The following LPAR3 variants were observed in gnomAD, a reference collection of about 807,000 sequenced individuals.
LPAR3 encodes the protein lysophosphatidic acid receptor 3, also known as LPA receptor 3.
LPAR3 carries 7 observed loss-of-function variants against 17.8 expected under a neutral mutation model. The ratio of observed to expected loss-of-function variants is 0.39; its 90% CI spans 0.22 to 0.74. The LOEUF is 0.74. Ranked by LOEUF, LPAR3 falls within the 30% of genes least tolerant of loss-of-function variation. The probability of loss-of-function intolerance (pLI) is 0.40; values close to 1 mark genes in which losing one functional copy is unlikely to be tolerated. For missense variants in LPAR3, 391 were observed against 453.4 expected (o/e 0.86, Z 1.25); for synonymous variants, 179 against 179.9 (o/e 0.99, Z 0.04).
chr1:84,890,119 C>T (rs1255506393), intron 1 of LPAR3, among the ~76,000 whole-genome samples: 1 of 152,154 alleles, frequency 6.6e-6, no homozygotes, highest in African/African-American at 2.4e-5. Flanking sequence ...CACAGCAGGA[C>T]TGAGTTCCAG....
In LPAR3 at chr1:84,814,047, G is replaced by A. The variant is rs61746765; in HGVS notation, c.861C>T (p.Val287=). Residue 287 remains valine (V), a synonymous_variant, in exon 3 of 3, where the codon GTC becomes GTT. Coordinates refer to ENST00000370611, the MANE Select transcript of LPAR3 (RefSeq NM_012152.3). Reference sequence around the variant, plus strand: ...TGTAGGAGTAGATGATGGGGTTCACGACGGAGTTGAGCAGCGCCAGCAGCA... The same window carrying A: ...TGTAGGAGTAGATGATGGGGTTCACAACGGAGTTGAGCAGCGCCAGCAGCA... ...WFLLLALLNS[V]VNPIIYSYKD... The A allele has an allele frequency of 7.0e-4, 1,128 of 1,614,084 alleles. 3 individuals carry two copies. The highest frequency in any genetic ancestry group is 6.3e-3 in the Middle Eastern group (38 of 6,062).
chr1:84,885,095 G>C (rs1660433158), intron 1 of LPAR3, among the ~76,000 whole-genome samples: 1 of 152,162 alleles, frequency 6.6e-6, no homozygotes, highest in Non-Finnish European at 1.5e-5. Flanking sequence ...GCAATATCTG[G>C]AGACATCTGC....
chr1:84,853,370 T>C (rs77881471), intron 2 of LPAR3, among the ~76,000 whole-genome samples: 8,637 of 152,228 alleles, frequency 0.057, 306 homozygotes, highest in African/African-American at 0.092. Context: ...AGGGAGTTCA[T>C]GCCAGATGAA....
At chr1:84,817,261 T>TCACACACACACACACACACA (rs71097861) in intron 2 of LPAR3, among the ~76,000 whole-genome samples, 82 of 147,524 alleles carry the variant, frequency 5.6e-4, no homozygotes, top group Admixed American at 1.9e-3. Flanking sequence ...CCAGGATCTA[T>TCACACACACACACACACACA]CACACACACA....
At chr1:84,853,206 G>A (rs967958677) in intron 2 of LPAR3, among the ~76,000 whole-genome samples, 5 of 151,940 alleles carry the variant, frequency 3.3e-5, no homozygotes, top group Admixed American at 1.3e-4. Context: ...TTACATTTTT[G>A]AACGATCAAG....
intron 2 of LPAR3, among the ~76,000 whole-genome samples, chr1:84,821,781 AATGTGAGACC>A (rs1659060265): frequency 6.6e-6 from 1 of 152,202 alleles, no homozygotes; most frequent in African/African-American, 2.4e-5. Flanking sequence ...GGGGGAAGGA[AATGTGAGACC>A]TGATGAATAT....
intron 1 of LPAR3, among the ~76,000 whole-genome samples, chr1:84,887,029 T>C (rs7552114): frequency 6.6e-6 from 1 of 151,846 alleles, no homozygotes; most frequent in African/African-American, 2.4e-5. Flanking sequence ...CTTATAGTAG[T>C]ATGCCAACTA....
At chr1:84,878,497 A>G (rs1477591759) in intron 1 of LPAR3, among the ~76,000 whole-genome samples, 1 of 152,156 alleles carries the variant, frequency 6.6e-6, no homozygotes, top group Non-Finnish European at 1.5e-5. Flanking sequence ...TAATTACCAC[A>G]AGCCCCGACA....
chr1:84,874,934 C>G (rs551815146), intron 1 of LPAR3, among the ~76,000 whole-genome samples: 28 of 144,408 alleles, frequency 1.9e-4, no homozygotes, highest in African/African-American at 7.2e-4. Context: ...GAGTCTAGCT[C>G]TGTCACCCAG....
At chr1:84,829,615 T>A (rs1039290646) in intron 2 of LPAR3, among the ~76,000 whole-genome samples, 1 of 151,642 alleles carries the variant, frequency 6.6e-6, no homozygotes, top group African/African-American at 2.4e-5. Context: ...TTACAAAAGA[T>A]CACGTCAGTC....
intron 2 of LPAR3, among the ~76,000 whole-genome samples, chr1:84,831,300 A>G (rs1659278651): frequency 6.6e-6 from 1 of 152,074 alleles, no homozygotes; most frequent in Non-Finnish European, 1.5e-5. Context: ...TCCGTATTTG[A>G]AAATAAGCTG....
At chr1:84,892,118 CA>C (rs1250350287) in intron 1 of LPAR3, among the ~76,000 whole-genome samples, 3 of 151,868 alleles carry the variant, frequency 2.0e-5, no homozygotes, top group Non-Finnish European at 4.4e-5. Flanking sequence ...GAGGCTGAGG[CA>C]GGAGAATCGC....
intron 2 of LPAR3, among the ~76,000 whole-genome samples, chr1:84,857,813 T>C (rs144098367): frequency 2.6e-5 from 4 of 152,190 alleles, no homozygotes; most frequent in Non-Finnish European, 5.9e-5. Context: ...GAGCAAGACA[T>C]TGAACCTTTT....
At chr1:84,844,337 T>C (rs917019364) in intron 2 of LPAR3, among the ~76,000 whole-genome samples, 7 of 152,238 alleles carry the variant, frequency 4.6e-5, no homozygotes, top group Non-Finnish European at 8.8e-5. Flanking sequence ...AGCAGAAATG[T>C]TTCATTTAGA....
At chr1:84,848,168 C>T (rs930398407) in intron 2 of LPAR3, among the ~76,000 whole-genome samples, 1 of 152,244 alleles carries the variant, frequency 6.6e-6, no homozygotes, top group Non-Finnish European at 1.5e-5. Context: ...GCCTTCCACC[C>T]ACTGCAGAGC....
At chr1:84,879,416 A>G (rs1205020820) in intron 1 of LPAR3, among the ~76,000 whole-genome samples, 1 of 145,936 alleles carries the variant, frequency 6.9e-6, no homozygotes, top group Admixed American at 7.0e-5. Flanking sequence ...GGTTCATGCC[A>G]TTCTCCTGCC....
chr1:84,819,084 T>C (rs1658998733), intron 2 of LPAR3, among the ~76,000 whole-genome samples: 1 of 152,230 alleles, frequency 6.6e-6, no homozygotes, highest in Non-Finnish European at 1.5e-5. Flanking sequence ...CCAGTGTTTG[T>C]CCTTCCTTCC....
chr1:84,868,837 T>C (rs1660104433), intron 1 of LPAR3, among the ~76,000 whole-genome samples: 1 of 152,202 alleles, frequency 6.6e-6, no homozygotes, highest in African/African-American at 2.4e-5. Context: ...TAGTGAGCAA[T>C]AAATTTCTGT....
At chr1:84,832,349 A>C (rs981454068) in intron 2 of LPAR3, among the ~76,000 whole-genome samples, 4 of 152,228 alleles carry the variant, frequency 2.6e-5, no homozygotes, top group Non-Finnish European at 5.9e-5. Flanking sequence ...GATGGTTTGA[A>C]AGACAATACC....
Sources: allele counts gnomAD v4.1 joint callset (sites outside exome capture counted in the v4.1 genomes callset), GRCh38; gene constraint gnomAD v4.1.1; transcripts MANE v1.5; gene names NCBI Gene and HGNC (gene_info 2026-07-23, HGNC 2026-07-21).